Variants in CLEC12B observed in about 807,000 individuals in gnomAD.
CLEC12B encodes macrophage antigen h.
A neutral mutation model predicts 36.1 loss-of-function variants in CLEC12B; 25 were observed. That is an observed-to-expected ratio of 0.69 (90% CI 0.50 to 0.97). CLEC12B has a LOEUF of 0.97. Ranked by LOEUF, CLEC12B falls within the 50% of genes least tolerant of loss-of-function variation. CLEC12B has a pLI of 0.00. For missense variants in CLEC12B, 325 were observed against 318.4 expected (o/e 1.02, Z -0.16); for synonymous variants, 110 against 108.5 (o/e 1.01, Z -0.09).
At position 10,013,023 on chromosome 12, in the gene CLEC12B, G is replaced by C. The variant is rs199568126; in HGVS notation, c.190+140G>C. The C allele has an allele frequency of 3.1e-4, 204 of 664,502 alleles. No homozygotes were observed. In the East Asian group the frequency reaches 5.8e-3, roughly 19 times the overall value. 41.2% of individuals were successfully genotyped at this position (664,502 alleles called of 1,614,324 possible). A position where few individuals can be genotyped will look rare whatever the true frequency, so the allele number is the denominator to read the frequency against. ...CTGCTGTCTCATATCTCTCCTATTC[G>C]TCATATCTTCCCAAAAAACCGGCAA... On this transcript the variant is annotated intron_variant, in intron 2 of 5. Transcript: ENST00000338896.
chr12:10,010,181 G>GTCTC (rs1343375557), upstream of CLEC12B, among the ~76,000 whole-genome samples: 3 of 99,430 alleles, frequency 3.0e-5, no homozygotes, highest in African/African-American at 8.2e-5. Context: ...CTCTCTCTCT[G>GTCTC]TCTCTCTCTG....
chr12:10,015,532 A>C (rs1865462137), intron 4 of CLEC12B, 80 bp from the exon 5 acceptor site: 1 of 1,582,240 alleles, frequency 6.3e-7, no homozygotes, highest in Admixed American at 1.8e-5. Context: ...CATGAATTTA[A>C]TGAATGTCCT....
At chr12:10,012,536 A>T (rs756437982) in intron 1 of CLEC12B, among the ~76,000 whole-genome samples, 16 of 152,166 alleles carry the variant, frequency 1.1e-4, no homozygotes, top group Admixed American at 2.0e-4. Flanking sequence ...TATCTCCTAA[A>T]GGTATGCCTC....
upstream of CLEC12B, among the ~76,000 whole-genome samples, chr12:10,008,109 G>A (rs1376200824): frequency 6.6e-6 from 1 of 152,228 alleles, no homozygotes; most frequent in Non-Finnish European, 1.5e-5. Context: ...GTGCAGTGCT[G>A]TTCAATAGCC....
At position 10,012,787 on chromosome 12, in the gene CLEC12B, C is replaced by T; in HGVS notation, c.94C>T (p.His32Tyr). ...RDGNNLRKRG[H>Y]PAPSPIWRHA... ...ATTGCTCTTTTGGCTTTCTCCAGGG[C>T]ATCCAGCTCCATCTCCCATTTGGCG... The change falls in exon 2 of 6, where the codon CAT becomes TAT. Residue 32 changes from histidine to tyrosine, a missense_variant and splice_region_variant. By Grantham distance (83) the His-to-Tyr change is moderately conservative (BLOSUM62 2). Transcript: ENST00000338896. The T allele has an allele frequency of 6.2e-7, 1 of 1,612,610 alleles. No homozygotes were observed. The highest frequency in any genetic ancestry group is 8.5e-7 in the Non-Finnish European group (1 of 1,179,394).
intron 2 of CLEC12B, chr12:10,013,539 T>C (rs1865392900): frequency 6.5e-6 from 1 of 152,872 alleles, no homozygotes; most frequent in Non-Finnish European, 1.5e-5. Context: ...TCTTGAGTAA[T>C]GAGAAAAACA....
Position 10,018,658 on chromosome 12 carries a change from A to G in CLEC12B, c.*177A>G. On this transcript the variant is annotated 3_prime_UTR_variant, in exon 6 of 6. Transcript: ENST00000338896. ...CCAGTTCCTTGTCTGACGTCTTCTG[A>G]TTTGATGTTATTATTCGGTCTTAAA... 1.7e-6 allele frequency: 1 copy of G among 583,108 alleles called. No homozygotes were observed. The highest frequency in any genetic ancestry group is 2.3e-5 in the South Asian group (1 of 44,208). The allele number at this position is 583,108 out of a possible 1,614,324, so 36.1% of individuals were successfully genotyped here.
chr12:10,017,380 T>A, intron 5 of CLEC12B: 1 of 985,412 alleles, frequency 1.0e-6, no homozygotes. Context: ...TACTATGACA[T>A]CATGTAAACA....
chr12:10,015,154 T>C (rs1244163811), intron 3 of CLEC12B, 98 bp from the exon 4 acceptor site: 1 of 1,022,312 alleles, frequency 9.8e-7, no homozygotes, highest in African/African-American at 1.6e-5. Flanking sequence ...GTGCAGGCTC[T>C]CAGTCCCTAT....
At chr12:10,013,787 C>T (rs1865399845) in intron 2 of CLEC12B, among the ~76,000 whole-genome samples, 2 of 152,034 alleles carry the variant, frequency 1.3e-5, no homozygotes, top group South Asian at 2.1e-4. Flanking sequence ...TAATGATGTA[C>T]CTTGCTCTTT....
At chr12:10,017,636 A>G in intron 5 of CLEC12B, 1 of 986,006 alleles carries the variant, frequency 1.0e-6, no homozygotes, top group South Asian at 4.7e-5. Context: ...AGTAAAGGCC[A>G]AGGCTAAGAT....
chr12:10,013,079 A>G (rs1865374800), intron 2 of CLEC12B, 196 bp downstream of exon 2: 1 of 587,474 alleles, frequency 1.7e-6, no homozygotes, highest in Admixed American at 3.2e-5. Flanking sequence ...TTCTAAATTC[A>G]TTGTTTTATC....
At chr12:10,008,866 C>A (rs1328018525), upstream of CLEC12B, among the ~76,000 whole-genome samples, 1 of 152,144 alleles carries the variant, frequency 6.6e-6, no homozygotes. Context: ...GATGAAAACC[C>A]AGTTTTTGCA....
At chr12:10,006,643 T>G (rs563264104), upstream of CLEC12B, among the ~76,000 whole-genome samples, 18 of 152,296 alleles carry the variant, frequency 1.2e-4, no homozygotes, top group Admixed American at 1.1e-3. Flanking sequence ...TCACGAAAAG[T>G]GAATAATCAG....
chr12:10,013,474 A>G (rs1324804578), intron 2 of CLEC12B: 2 of 154,126 alleles, frequency 1.3e-5, no homozygotes, highest in Admixed American at 6.5e-5. Flanking sequence ...ACAAAGGAAC[A>G]TTCTATTGAT....
At chr12:10,018,241 A>G (rs1865535334) in intron 5 of CLEC12B, 90 bp from the exon 6 acceptor site, 1 of 810,454 alleles carries the variant, frequency 1.2e-6, no homozygotes, top group East Asian at 2.9e-5. Context: ...ATTCAGATAC[A>G]TGACATTGGC....
At chr12:10,018,061 G>A in intron 5 of CLEC12B, 1 of 732,322 alleles carries the variant, frequency 1.4e-6, no homozygotes, top group Non-Finnish European at 1.7e-6. Context: ...TATTTATGAA[G>A]GAAATACAAA....
intron 5 of CLEC12B, chr12:10,017,204 CAATT>C: frequency 1.0e-6 from 1 of 985,086 alleles, no homozygotes; most frequent in Non-Finnish European, 1.2e-6. Context: ...CATATCAAGT[CAATT>C]AGTTTGGTTT....
At chr12:10,014,368 A>C (rs1196619737) in intron 2 of CLEC12B, among the ~76,000 whole-genome samples, 155 bp from the exon 3 acceptor site, 1 of 152,204 alleles carries the variant, frequency 6.6e-6, no homozygotes, top group African/African-American at 2.4e-5. Context: ...ATAATTTGGA[A>C]TAGAAAGGCA....
Sources: allele counts gnomAD v4.1 joint callset (sites outside exome capture counted in the v4.1 genomes callset), GRCh38; gene constraint gnomAD v4.1.1; transcripts MANE v1.5; gene names NCBI Gene and HGNC (gene_info 2026-07-23, HGNC 2026-07-21).